STXBP4: variants seen among roughly 807,000 people sequenced by gnomAD.
The protein encoded by STXBP4 is syntaxin binding protein 4.
Under a neutral mutation model 76.1 loss-of-function variants are expected in STXBP4, and 55 were observed. The ratio of observed to expected loss-of-function variants is 0.72; its 90% CI spans 0.58 to 0.91. The LOEUF (loss-of-function observed/expected upper bound fraction) is 0.91, where lower values mean the gene tolerates loss of function less well. Ranked by LOEUF, STXBP4 falls within the 40% of genes least tolerant of loss-of-function variation. STXBP4 has a pLI of 0.00. For missense variants in STXBP4, 618 were observed against 636.9 expected (o/e 0.97, Z 0.32); for synonymous variants, 201 against 220.2 (o/e 0.91, Z 0.77).
In STXBP4 at chr17:55,173,080, T is replaced by C. The variant is rs1381465858; in HGVS notation, c.*13169T>C. 1 of 152,246 alleles carries C rather than the reference T, an allele frequency of 6.6e-6. No individual in the cohort carries two copies. Among genetic ancestry groups the C allele is most frequent in the Admixed American group, 6.5e-5 (1 of 15,292 alleles). 9.4% of individuals were successfully genotyped at this position (152,246 alleles called of 1,614,324 possible). ...CCCAACCATGTATGTGATACATTCA[T>C]TCTCTAGGATTGGAAATTCCCAGAA... On this transcript the variant is annotated 3_prime_UTR_variant, in exon 18 of 18. Transcript: ENST00000376352.
At chr17:54,986,735 C>T (rs1435029748) in intron 3 of STXBP4, among the ~76,000 whole-genome samples, 1 of 151,990 alleles carries the variant, frequency 6.6e-6, no homozygotes, top group Admixed American at 6.6e-5. Context: ...TTTTATAATT[C>T]CATTAAAAAA....
intron 16 of STXBP4, among the ~76,000 whole-genome samples, chr17:55,135,511 AT>A: frequency 6.6e-6 from 1 of 152,008 alleles, no homozygotes. Flanking sequence ...AAATATATAC[AT>A]TTTTTCAATT....
chr17:55,168,950 AAAAGT>A lies in STXBP4; in HGVS notation c.*9044_*9048del, dbSNP rs1388897077. The A allele has an allele frequency of 2.0e-5, 3 of 152,216 alleles. No individual in the cohort carries two copies. Among genetic ancestry groups the A allele is most frequent in the African/African-American group, 7.2e-5 (3 of 41,464 alleles). 9.4% of individuals were successfully genotyped at this position (152,216 alleles called of 1,614,324 possible). A position where few individuals can be genotyped will look rare whatever the true frequency, so the allele number is the denominator to read the frequency against. ...TAGTCCTTAAATGGTTTATTGACCA[AAAAGT>A]AAAGAAGTAACAGTCCAGTCATATC... On this transcript the variant is annotated 3_prime_UTR_variant, in exon 18 of 18. Transcript: ENST00000376352.
intron 12 of STXBP4, among the ~76,000 whole-genome samples, chr17:55,054,229 A>G (rs567618489): frequency 6.6e-6 from 1 of 152,284 alleles, no homozygotes; most frequent in African/African-American, 2.4e-5. Context: ...GCTCACGCCT[A>G]TAATCCCAGC....
At chr17:55,183,015 A>AT in the STXBP4 span, among the ~76,000 whole-genome samples, 1 of 152,222 alleles carries the variant, frequency 6.6e-6, no homozygotes, top group Non-Finnish European at 1.5e-5. Context: ...TAAATATGTG[A>AT]TTAGAGTTCA....
intron 16 of STXBP4, among the ~76,000 whole-genome samples, chr17:55,098,940 A>G (rs999641488): frequency 1.3e-5 from 2 of 152,204 alleles, no homozygotes; most frequent in African/African-American, 4.8e-5. Context: ...CACATATTCA[A>G]GAGACACTCA....
At chr17:55,026,623 A>G (rs1329643255) in intron 8 of STXBP4, among the ~76,000 whole-genome samples, 1 of 152,162 alleles carries the variant, frequency 6.6e-6, no homozygotes, top group East Asian at 1.9e-4. Flanking sequence ...GGAAGGCATT[A>G]ACCCTACCCA....
At chr17:55,097,881 T>C (rs1252817341) in intron 16 of STXBP4, among the ~76,000 whole-genome samples, 1 of 152,148 alleles carries the variant, frequency 6.6e-6, no homozygotes, top group Non-Finnish European at 1.5e-5. Context: ...TTTTTTTTCA[T>C]CTATGAAGAT....
intron 13 of STXBP4, among the ~76,000 whole-genome samples, chr17:55,074,969 A>G (rs185145592): frequency 1.6e-3 from 241 of 152,156 alleles, no homozygotes; most frequent in African/African-American, 5.2e-3. Context: ...TCAAGTGTCT[A>G]TTTGTAAGAT....
chr17:55,192,921 C>T, the STXBP4 span, among the ~76,000 whole-genome samples: 3 of 152,164 alleles, frequency 2.0e-5, no homozygotes, highest in African/African-American at 7.2e-5. Flanking sequence ...TTAATTCACA[C>T]AGCCAATAGT....
chr17:55,104,385 A>G (rs1288087309), intron 16 of STXBP4, among the ~76,000 whole-genome samples: 1 of 152,110 alleles, frequency 6.6e-6, no homozygotes, highest in Admixed American at 6.5e-5. Flanking sequence ...GGAGATAATC[A>G]TGTGGTTTTT....
chr17:55,128,486 A>G (rs1417985048), intron 16 of STXBP4, among the ~76,000 whole-genome samples: 1 of 152,154 alleles, frequency 6.6e-6, no homozygotes, highest in Non-Finnish European at 1.5e-5. Flanking sequence ...TACCTGCACA[A>G]CTTTACTGTG....
At position 55,100,966 on chromosome 17, in the gene STXBP4, C is replaced by T. The variant is rs2079556213; in HGVS notation, c.1489+19783C>T. Among the ~76,000 whole-genome samples the T allele has an allele frequency of 2.0e-5, 3 of 152,268 alleles. No individual in the cohort carries two copies. The South Asian group carries it at 6.2e-4, about 32-fold the overall frequency. ...AATCCTTCAGTGCTCCCCAGTCAAG[C>T]CTCAGATGAGACCACAGCCATGCTC... On this transcript the variant is annotated intron_variant, in intron 16 of 17. Transcript: ENST00000376352.
intron 1 of STXBP4, 96 bp downstream of exon 1, chr17:54,968,911 T>A: frequency 2.5e-6 from 1 of 407,204 alleles, no homozygotes; most frequent in Non-Finnish European, 4.5e-6. Context: ...CCCGTCCGCG[T>A]GCAAGCTTGC....
intron 5 of STXBP4, 23 bp from the exon 6 acceptor site, chr17:54,999,609 A>C: frequency 6.3e-7 from 1 of 1,594,582 alleles, no homozygotes; most frequent in Non-Finnish European, 8.6e-7. Flanking sequence ...CATATCCATA[A>C]AGTGATTTCT....
intron 10 of STXBP4, 21 bp from the exon 11 acceptor site, chr17:55,043,215 C>T (rs1027077541): frequency 7.3e-7 from 1 of 1,373,470 alleles, no homozygotes; most frequent in East Asian, 2.5e-5. Flanking sequence ...CAACTTTTCT[C>T]TTATATTTTA....
intron 17 of STXBP4, among the ~76,000 whole-genome samples, chr17:55,149,343 G>A (rs2080190129): frequency 7.0e-6 from 1 of 143,774 alleles, no homozygotes; most frequent in Non-Finnish European, 1.6e-5. Context: ...AAAAAAATAA[G>A]GGCTTTAGTA....
intron 17 of STXBP4, among the ~76,000 whole-genome samples, chr17:55,158,093 G>C (rs997427138): frequency 1.3e-5 from 2 of 152,112 alleles, no homozygotes; most frequent in East Asian, 3.8e-4. Flanking sequence ...TTGAGACAGG[G>C]TCTTGTTCTG....
At chr17:55,159,612 A>G (rs1401236525) in intron 17 of STXBP4, among the ~76,000 whole-genome samples, 185 bp from the exon 18 acceptor site, 1 of 152,248 alleles carries the variant, frequency 6.6e-6, no homozygotes, top group East Asian at 1.9e-4. Flanking sequence ...GAAGAAAGAA[A>G]GAAATGGTTT....
Sources: allele counts gnomAD v4.1 joint callset (sites outside exome capture counted in the v4.1 genomes callset), GRCh38; gene constraint gnomAD v4.1.1; transcripts MANE v1.5; gene names NCBI Gene and HGNC (gene_info 2026-07-23, HGNC 2026-07-21).